The following FBXL17 variants were observed in gnomAD, a reference collection of about 807,000 sequenced individuals.
The protein encoded by FBXL17 is F-box and leucine rich repeat protein 17.
A neutral mutation model predicts 66.2 loss-of-function variants in FBXL17; 22 were observed. The observed-to-expected ratio is 0.33, with a 90% CI of 0.24 to 0.47. The LOEUF is 0.47. Ranked by LOEUF, FBXL17 falls within the 20% of genes least tolerant of loss-of-function variation. The pLI, the probability that FBXL17 is intolerant of heterozygous loss-of-function variation, is 1.00. For missense variants in FBXL17, 878 were observed against 948.2 expected, an observed-to-expected ratio of 0.93 and a Z score of 0.97; for synonymous variants, 474 against 400.5, an observed-to-expected ratio of 1.18 and a Z score of -2.19.
At position 108,203,627 on chromosome 5, in the gene FBXL17, A is replaced by G. The variant is rs563191465; in HGVS notation, c.1615-17380T>C. 2.0e-4 allele frequency among the ~76,000 whole-genome samples: 30 copies of G among 152,286 alleles called. No homozygotes were observed. The South Asian group carries it at 4.4e-3, about 22-fold the overall frequency. On this transcript the variant is annotated intron_variant, in intron 5 of 8. Transcript: ENST00000542267. Reference sequence around the variant, plus strand: ...AAGAACATATTTTTTACATCTCAGAATATCACTCAAGCACCTATAATTAAT... The same window carrying G: ...AAGAACATATTTTTTACATCTCAGAGTATCACTCAAGCACCTATAATTAAT...
rs1490165967 is a variant in FBXL17 at position 107,944,685 on chromosome 5, C to A, written c.1823-63506G>T. Reference sequence around the variant, plus strand: ...TAACCTATTAACTTTGATGAGACTGCCACATGTTCTGGAATGTCTTTTTTG... The same window carrying A: ...TAACCTATTAACTTTGATGAGACTGACACATGTTCTGGAATGTCTTTTTTG... On this transcript the variant is annotated intron_variant, in intron 7 of 8. Coordinates refer to ENST00000542267, the MANE Select transcript of FBXL17 (RefSeq NM_001163315.3). 2.6e-5 allele frequency among the ~76,000 whole-genome samples: 4 copies of A among 152,116 alleles called. 1 individual carries two copies. The highest frequency in any genetic ancestry group is 5.9e-5 in the Non-Finnish European group (4 of 68,010).
intron 4 of FBXL17, among the ~76,000 whole-genome samples, chr5:108,328,631 C>A (rs1171897380): frequency 6.6e-6 from 1 of 151,926 alleles, no homozygotes; most frequent in Non-Finnish European, 1.5e-5. Context: ...AAATAATCAC[C>A]AGAGGAATTA....
chr5:107,937,090 G>GA (rs1301730738), intron 7 of FBXL17, among the ~76,000 whole-genome samples: 2 of 151,786 alleles, frequency 1.3e-5, no homozygotes, highest in African/African-American at 4.8e-5. Context: ...AATTAAAAAA[G>GA]AAAGTCAAGA....
At position 108,330,259 on chromosome 5, in the gene FBXL17, T is replaced by C. The variant is rs1760059391; in HGVS notation, c.1506+18140A>G. On this transcript the variant is annotated intron_variant, in intron 4 of 8. Transcript: ENST00000542267. ...TCTTCTCCCAAATACCATAAAGAAA[T>C]GACTGCTATGAACCACGTGATAACT... Among the ~76,000 whole-genome samples, 3 of 152,218 alleles carry C rather than the reference T, an allele frequency of 2.0e-5. No homozygotes were observed. The South Asian group carries it at 6.2e-4, about 31-fold the overall frequency.
At chr5:108,047,071 A>G (rs1480107842) in intron 6 of FBXL17, among the ~76,000 whole-genome samples, 1 of 152,200 alleles carries the variant, frequency 6.6e-6, no homozygotes, top group African/African-American at 2.4e-5. Context: ...CTACCATGAA[A>G]AAGAACCATA....
intron 7 of FBXL17, among the ~76,000 whole-genome samples, chr5:108,000,412 T>C (rs1301600205): frequency 6.6e-6 from 1 of 152,170 alleles, no homozygotes; most frequent in African/African-American, 2.4e-5. Context: ...TGAATTCTAT[T>C]TAGAGCTGCA....
At chr5:107,863,129 C>A (rs1459983943) in intron 8 of FBXL17, among the ~76,000 whole-genome samples, 2 of 151,328 alleles carry the variant, frequency 1.3e-5, no homozygotes, top group African/African-American at 4.8e-5. Flanking sequence ...TTTTCAAAAG[C>A]TAAAACAATT....
chr5:107,861,744 G>A lies in FBXL17; in HGVS notation c.2082C>T (p.Pro694=), dbSNP rs758413862. The A allele has an allele frequency of 3.2e-6, 5 of 1,582,500 alleles. No individual in the cohort carries two copies. The African/African-American group carries it at 5.4e-5, about 17-fold the overall frequency. The change falls in exon 9 of 9, where the codon CCC becomes CCT. Residue 694 remains proline (P), a synonymous_variant. Transcript: ENST00000542267. ...GCTAGGAGGAGGCGGCAGACATGTT[G>A]GGGGTCCAGCCCATCTGATAGGCTC... ...LERAYQMGWT[P]NMSAASS
At chr5:108,332,258 A>T (rs1264254421) in intron 4 of FBXL17, among the ~76,000 whole-genome samples, 1 of 152,202 alleles carries the variant, frequency 6.6e-6, no homozygotes, top group African/African-American at 2.4e-5. Context: ...TTGATAAATT[A>T]ACTTTTATAA....
chr5:108,149,147 G>A (rs1751671960), intron 6 of FBXL17, among the ~76,000 whole-genome samples: 1 of 152,084 alleles, frequency 6.6e-6, no homozygotes, highest in Admixed American at 6.5e-5. Context: ...TCTCTTGTAG[G>A]ATGACAATGA....
At chr5:108,166,138 A>G (rs1470452843) in intron 6 of FBXL17, among the ~76,000 whole-genome samples, 1 of 152,244 alleles carries the variant, frequency 6.6e-6, no homozygotes, top group Non-Finnish European at 1.5e-5. Context: ...CTACTGACAA[A>G]TATCTCAGGA....
intron 4 of FBXL17, among the ~76,000 whole-genome samples, chr5:108,256,204 A>C (rs896135911): frequency 6.6e-6 from 1 of 152,290 alleles, no homozygotes; most frequent in African/African-American, 2.4e-5. Context: ...TTACATTTAC[A>C]TCCCCTGCTA....
intron 6 of FBXL17, among the ~76,000 whole-genome samples, chr5:108,177,755 T>A (rs183937032): frequency 1.3e-5 from 2 of 152,074 alleles, no homozygotes; most frequent in African/African-American, 4.8e-5. Flanking sequence ...TGGGCCTTAA[T>A]TCCTTTGTTT....
At chr5:108,369,198 C>A (rs942963230) in intron 1 of FBXL17, among the ~76,000 whole-genome samples, 1 of 152,198 alleles carries the variant, frequency 6.6e-6, no homozygotes, top group African/African-American at 2.4e-5. Flanking sequence ...TATTCCTCTA[C>A]ACTCCCTCAG....
At chr5:108,110,888 T>A (rs1750007472) in intron 6 of FBXL17, among the ~76,000 whole-genome samples, 1 of 151,960 alleles carries the variant, frequency 6.6e-6, no homozygotes, top group Non-Finnish European at 1.5e-5. Flanking sequence ...TTCTAAAGAG[T>A]GGTTAAACTA....
chr5:108,333,753 C>T (rs1247022961), intron 4 of FBXL17, among the ~76,000 whole-genome samples: 1 of 152,102 alleles, frequency 6.6e-6, no homozygotes, highest in South Asian at 2.1e-4. Flanking sequence ...CATACAAAAA[C>T]CCCAATGAGA....
chr5:107,862,224 C>T (rs1748142811), intron 8 of FBXL17, among the ~76,000 whole-genome samples: 1 of 151,756 alleles, frequency 6.6e-6, no homozygotes, highest in Non-Finnish European at 1.5e-5. Context: ...CATCATCAAC[C>T]CGACAGCCTT....
At chr5:108,038,836 A>G (rs1209296538) in intron 6 of FBXL17, among the ~76,000 whole-genome samples, 1 of 152,116 alleles carries the variant, frequency 6.6e-6, no homozygotes, top group Non-Finnish European at 1.5e-5. Context: ...TTGCTTCACA[A>G]GTATCTTAGT....
At chr5:107,948,829 T>G (rs372835012) in intron 7 of FBXL17, among the ~76,000 whole-genome samples, 19 of 152,242 alleles carry the variant, frequency 1.2e-4, no homozygotes, top group African/African-American at 4.1e-4. Context: ...ATAAAGTGCT[T>G]AAGATAGCTC....
Sources: gnomAD v4.1 joint callset for allele counts (sites outside exome capture counted in the v4.1 genomes callset) on GRCh38, gnomAD v4.1.1 for gene constraint, MANE v1.5 for transcripts, NCBI Gene and HGNC (gene_info 2026-07-23, HGNC 2026-07-21) for gene names.